SMOC2: variants seen among roughly 807,000 people sequenced by gnomAD.
The protein encoded by SMOC2 is SPARC-related modular calcium-binding protein 2.
A neutral mutation model predicts 61.4 loss-of-function variants in SMOC2; 39 were observed. The observed-to-expected ratio is 0.64, with a 90% CI of 0.49 to 0.83. The LOEUF is 0.83. Ranked by LOEUF, SMOC2 falls within the 40% of genes least tolerant of loss-of-function variation. The pLI is 0.00. For missense variants in SMOC2, 556 were observed against 592.9 expected, an observed-to-expected ratio of 0.94 and a Z score of 0.65; for synonymous variants, 247 against 239.9, an observed-to-expected ratio of 1.03 and a Z score of -0.27.
At chr6:168,519,918 C>T (rs1207370494) in intron 2 of SMOC2, among the ~76,000 whole-genome samples, 1 of 152,202 alleles carries the variant, frequency 6.6e-6, no homozygotes, top group Non-Finnish European at 1.5e-5. Flanking sequence ...TTGGCAATCT[C>T]AGTTACATAT....
chr6:168,441,415 G>A lies in SMOC2; in HGVS notation c.45G>A (p.Leu15=). 6.6e-7 allele frequency: 1 copy of A among 1,508,964 alleles called. No homozygotes were observed. Among genetic ancestry groups the A allele is most frequent in the Non-Finnish European group, 8.8e-7 (1 of 1,133,314 alleles). The allele number at this position is 1,508,964 out of a possible 1,614,324, so 93.5% of individuals were successfully genotyped here. A position where few individuals can be genotyped will look rare whatever the true frequency, so the allele number is the denominator to read the frequency against. ...GCTGGCTGCCGCTGCTCGCTGGGCT[G>A]CTCCCGCCGGTGCCCGCTCAGAAGT... The part of the protein sequence containing the change: ...QLCWLPLLAG[L]LPPVPAQKFS... The change falls in exon 1 of 13, where the codon CTG becomes CTA. Residue 15 remains leucine (L), a synonymous_variant. Transcript: ENST00000356284.
chr6:168,638,825 C>T (rs1345074836), intron 9 of SMOC2, among the ~76,000 whole-genome samples: 1 of 152,254 alleles, frequency 6.6e-6, no homozygotes, highest in East Asian at 1.9e-4. Context: ...ATTTGAGATT[C>T]AAGCCAGGAA....
intron 1 of SMOC2, among the ~76,000 whole-genome samples, chr6:168,485,830 A>T (rs1320152463): frequency 6.6e-6 from 1 of 152,204 alleles, no homozygotes; most frequent in East Asian, 1.9e-4. Flanking sequence ...GTGATAGGGG[A>T]ATTGTATCTC....
chr6:168,653,337 A>G, intron 11 of SMOC2, 109 bp downstream of exon 11: 1 of 1,328,374 alleles, frequency 7.5e-7, no homozygotes. Context: ...TGGGAGTGCA[A>G]AAAATCAAAT....
At chr6:168,592,675 C>G (rs1239750035) in intron 7 of SMOC2, among the ~76,000 whole-genome samples, 12 of 111,694 alleles carry the variant, frequency 1.1e-4, no homozygotes, top group Non-Finnish European at 1.8e-4. Flanking sequence ...CTTCCTGAGG[C>G]CTCACGGGCA....
At chr6:168,563,863 C>T (rs535291917) in intron 7 of SMOC2, among the ~76,000 whole-genome samples, 5 of 152,040 alleles carry the variant, frequency 3.3e-5, no homozygotes, top group African/African-American at 7.2e-5. Flanking sequence ...ACCGGAGGCT[C>T]GGTGTCCGTA....
intron 7 of SMOC2, among the ~76,000 whole-genome samples, chr6:168,554,139 G>A (rs141286250): frequency 4.6e-5 from 7 of 152,330 alleles, no homozygotes; most frequent in Admixed American, 2.0e-4. Flanking sequence ...TGCGTGTGCT[G>A]TGCACGGTGC....
At chr6:168,507,031 C>T (rs1043286934) in intron 1 of SMOC2, among the ~76,000 whole-genome samples, 1 of 152,210 alleles carries the variant, frequency 6.6e-6, no homozygotes, top group Non-Finnish European at 1.5e-5. Flanking sequence ...TCTCTTATCC[C>T]TGAGAAATAA....
At chr6:168,456,497 G>A (rs958802590) in intron 1 of SMOC2, among the ~76,000 whole-genome samples, 2 of 152,162 alleles carry the variant, frequency 1.3e-5, no homozygotes, top group African/African-American at 4.8e-5. Flanking sequence ...AGACCCTCAC[G>A]GCACCCCAGC....
rs1781770860 is a variant in SMOC2 at position 168,464,062 on chromosome 6, A to G, written c.84+22608A>G. 5.3e-5 allele frequency among the ~76,000 whole-genome samples: 8 copies of G among 151,982 alleles called. No individual in the cohort carries two copies. In the South Asian group the frequency reaches 1.5e-3, roughly 28 times the overall value. On this transcript the variant is annotated intron_variant, in intron 1 of 12. Transcript: ENST00000356284. ...AAAAATTCGCCAAGTGTGGTGGTGC[A>G]CGCCTATAATCCCAGCTACTTGGGA...
chr6:168,665,545 AT>A (rs1319417480), intron 12 of SMOC2, among the ~76,000 whole-genome samples: 1 of 152,266 alleles, frequency 6.6e-6, no homozygotes, highest in Non-Finnish European at 1.5e-5. Flanking sequence ...CTAATGTGGA[AT>A]CCAGAGGAGC....
At chr6:168,639,474 T>A (rs916869552) in intron 9 of SMOC2, among the ~76,000 whole-genome samples, 2 of 152,348 alleles carry the variant, frequency 1.3e-5, no homozygotes, top group South Asian at 2.1e-4. Flanking sequence ...GGGATAACCG[T>A]CAACTCCAAT....
chr6:168,481,516 A>G (rs1782206244), intron 1 of SMOC2, among the ~76,000 whole-genome samples: 1 of 152,058 alleles, frequency 6.6e-6, no homozygotes, highest in Admixed American at 6.5e-5. Context: ...GCTATAGAGT[A>G]TATATGAAAG....
chr6:168,592,255 C>A (rs2115174452), intron 7 of SMOC2, among the ~76,000 whole-genome samples: 1 of 152,362 alleles, frequency 6.6e-6, no homozygotes, highest in South Asian at 2.1e-4. Context: ...TTCATGCTTC[C>A]TAAGGCCTCA....
chr6:168,516,154 A>C (rs1783128987), intron 2 of SMOC2, among the ~76,000 whole-genome samples: 1 of 152,164 alleles, frequency 6.6e-6, no homozygotes, highest in African/African-American at 2.4e-5. Context: ...TGTTTGATTA[A>C]ATTCGATTTA....
At chr6:168,613,612 T>C (rs906150319) in intron 9 of SMOC2, among the ~76,000 whole-genome samples, 11 of 148,548 alleles carry the variant, frequency 7.4e-5, no homozygotes, top group Non-Finnish European at 1.5e-4. Context: ...TCTTCACATC[T>C]ACAGCCAGCA....
At chr6:168,639,089 A>G (rs1489468365) in intron 9 of SMOC2, among the ~76,000 whole-genome samples, 5 of 152,218 alleles carry the variant, frequency 3.3e-5, no homozygotes, top group African/African-American at 9.6e-5. Flanking sequence ...CCGACATCCT[A>G]GCAATGTTTC....
chr6:168,524,140 G>A (rs190658035), intron 2 of SMOC2, among the ~76,000 whole-genome samples: 92 of 152,166 alleles, frequency 6.0e-4, no homozygotes, highest in Non-Finnish European at 1.0e-4. Flanking sequence ...TGTGCCTCTC[G>A]GTAGAATGGA....
At chr6:168,517,323 G>A (rs996432946) in intron 2 of SMOC2, among the ~76,000 whole-genome samples, 8 of 152,230 alleles carry the variant, frequency 5.3e-5, no homozygotes, top group African/African-American at 1.9e-4. Context: ...CCCAGCAGGG[G>A]TTTGGGGTGG....
Sources: allele counts gnomAD v4.1 joint callset (sites outside exome capture counted in the v4.1 genomes callset), GRCh38; gene constraint gnomAD v4.1.1; transcripts MANE v1.5; gene names NCBI Gene and HGNC (gene_info 2026-07-23, HGNC 2026-07-21).